Variants in RTTN observed in about 807,000 individuals in gnomAD.
RTTN encodes rotatin.
Under a neutral mutation model 269.2 loss-of-function variants are expected in RTTN, and 182 were observed. The ratio of observed to expected loss-of-function variants is 0.68; its 90% CI spans 0.60 to 0.76. The LOEUF (loss-of-function observed/expected upper bound fraction) is 0.76. RTTN is among the 30% of genes least tolerant of loss of function. The probability of loss-of-function intolerance (pLI) is 0.00; values close to 1 mark genes in which losing one functional copy is unlikely to be tolerated. For missense variants in RTTN, 2,545 were observed against 2,608.6 expected (o/e 0.98, Z 0.53); for synonymous variants, 1,006 against 963.5 (o/e 1.04, Z -0.82).
intron 38 of RTTN, among the ~76,000 whole-genome samples, chr18:70,052,224 A>C (rs2057690320): frequency 6.6e-6 from 1 of 151,986 alleles, no homozygotes; most frequent in Non-Finnish European, 1.5e-5. Context: ...ATCTAATTCC[A>C]CTATAATGTA....
At chr18:70,204,337 A>C in intron 2 of RTTN, 74 bp from the exon 3 acceptor site, 1 of 1,405,884 alleles carries the variant, frequency 7.1e-7, no homozygotes, top group Non-Finnish European at 9.7e-7. Flanking sequence ...CAAAACATAA[A>C]ATTATTTTTG....
intron 28 of RTTN, among the ~76,000 whole-genome samples, chr18:70,107,106 G>A (rs2059340002): frequency 6.6e-6 from 1 of 152,180 alleles, no homozygotes; most frequent in Admixed American, 6.5e-5. Context: ...GGGGCCAGAT[G>A]ACTATAACAA....
intron 40 of RTTN, 62 bp downstream of exon 40, chr18:70,047,909 G>T: frequency 1.5e-6 from 2 of 1,299,680 alleles, no homozygotes; most frequent in Non-Finnish European, 2.2e-6. Context: ...ACAAGACCAT[G>T]ACTGAAAGTC....
chr18:70,037,348 G>A (rs1014195280), intron 40 of RTTN, among the ~76,000 whole-genome samples: 5 of 152,166 alleles, frequency 3.3e-5, no homozygotes, highest in East Asian at 1.9e-4. Context: ...AGTGCGGCTC[G>A]CAGCAACAAA....
At chr18:70,123,164 T>C (rs1159723458) in intron 25 of RTTN, among the ~76,000 whole-genome samples, 1 of 152,196 alleles carries the variant, frequency 6.6e-6, no homozygotes, top group Non-Finnish European at 1.5e-5. Context: ...ATCAAATTTC[T>C]GTCACATAAC....
At position 70,193,430 on chromosome 18, in the gene RTTN, A is replaced by C. The variant is rs771446047; in HGVS notation, c.865T>G (p.Leu289Val). The C allele has an allele frequency of 6.5e-7, 1 of 1,535,920 alleles. No individual in the cohort carries two copies. Among genetic ancestry groups the C allele is most frequent in the Admixed American group, 2.3e-5 (1 of 43,702 alleles). ...KHDTVSQNSS[L>V]SYCHEARGTH... Reference sequence around the variant, plus strand: ...CCTCTTGCTTCATGACAATAAGACAAAGAAGAATTTTGGGAAACTGTGTCT... The same window carrying C: ...CCTCTTGCTTCATGACAATAAGACACAGAAGAATTTTGGGAAACTGTGTCT... The change falls in exon 8 of 49, where the codon TTG (leucine) becomes GTG (valine). Residue 289 changes from leucine to valine, a missense_variant. Physicochemically the swap from Leu to Val is conservative, Grantham distance 32. Coordinates refer to ENST00000640769, the MANE Select transcript of RTTN (RefSeq NM_173630.4).
intron 10 of RTTN, among the ~76,000 whole-genome samples, chr18:70,183,861 G>C (rs2061473292): frequency 6.6e-6 from 1 of 152,158 alleles, no homozygotes; most frequent in African/African-American, 2.4e-5. Flanking sequence ...TCAAACTTCT[G>C]GGTTCGAGTG....
intron 28 of RTTN, among the ~76,000 whole-genome samples, chr18:70,105,530 G>A (rs1053673335): frequency 5.9e-5 from 9 of 152,256 alleles, no homozygotes; most frequent in East Asian, 1.9e-4. Flanking sequence ...AGATGAACCC[G>A]GTACCTCAGC....
rs2058362859 is a variant in RTTN, at chr18:70,073,960, T to C, written c.4599A>G (p.Pro1533=). The C allele has an allele frequency of 2.5e-6, 4 of 1,612,000 alleles. No individual in the cohort carries two copies. The highest frequency in any genetic ancestry group is 2.5e-6 in the Non-Finnish European group (3 of 1,178,510). ...GATCTCGATCCTGACTTGTCCTAGA[T>C]GGAGCCCTCCAAAACTTGAATGAGT... The part of the protein sequence containing the change: ...LDDSFKFWRA[P]SRTSQDRDPS... The change falls in exon 34 of 49, where the codon CCA becomes CCG. Residue 1533 remains proline (P), a synonymous_variant. Coordinates refer to ENST00000640769, the MANE Select transcript of RTTN (RefSeq NM_173630.4).
chr18:70,185,280 A>G (rs12956127), intron 10 of RTTN, among the ~76,000 whole-genome samples: 129,542 of 152,200 alleles, frequency 0.85, 57,357 homozygotes, highest in East Asian at 1. Flanking sequence ...TTGTATTCCA[A>G]GTTAGGCAAA....
chr18:70,188,710 A>G (rs1376981090), intron 9 of RTTN, among the ~76,000 whole-genome samples: 1 of 152,210 alleles, frequency 6.6e-6, no homozygotes, highest in Admixed American at 6.5e-5. Flanking sequence ...ACATGCTAAC[A>G]TTTGCTAAAG....
At chr18:70,025,496 T>C (rs1178047907) in intron 43 of RTTN, among the ~76,000 whole-genome samples, 1 of 152,212 alleles carries the variant, frequency 6.6e-6, no homozygotes, top group East Asian at 1.9e-4. Context: ...CCCATGATTA[T>C]GCACGTGAGC....
At chr18:70,123,596 T>C (rs2059792162) in intron 25 of RTTN, among the ~76,000 whole-genome samples, 1 of 152,090 alleles carries the variant, frequency 6.6e-6, no homozygotes, top group African/African-American at 2.4e-5. Flanking sequence ...TTTGTTTCTC[T>C]GTGTGCCTGG....
At chr18:70,110,005 G>A (rs1170790215) in intron 27 of RTTN, among the ~76,000 whole-genome samples, 8 of 151,870 alleles carry the variant, frequency 5.3e-5, no homozygotes, top group South Asian at 2.1e-4. Flanking sequence ...GATTGCTTGC[G>A]GCCAGCTTGA....
At chr18:70,088,232 A>G in intron 30 of RTTN, 85 bp from the exon 31 acceptor site, 2 of 1,252,106 alleles carry the variant, frequency 1.6e-6, no homozygotes, top group Non-Finnish European at 2.2e-6. Flanking sequence ...CATAAATATC[A>G]CACTTTAAAA....
Position 70,077,256 on chromosome 18 carries a change from T to G in RTTN, c.4375-1715A>C, listed in dbSNP as rs377091064. On this transcript the variant is annotated intron_variant, in intron 32 of 48. Coordinates refer to ENST00000640769, the MANE Select transcript of RTTN (RefSeq NM_173630.4). ...TATAAAATTATGCAATTTTTCATAT[T>G]TTTGCAAAATTATGTCTACATGAAT... is the stretch of plus-strand genomic sequence containing the variant. Among the ~76,000 whole-genome samples, 9 of 152,108 alleles carry G rather than the reference T, an allele frequency of 5.9e-5. No individual in the cohort carries two copies. The South Asian group carries it at 1.0e-3, about 17-fold the overall frequency.
In RTTN at chr18:70,030,109, G is replaced by C; in HGVS notation, c.5648C>G (p.Ala1883Gly). The C allele has an allele frequency of 6.2e-7, 1 of 1,605,166 alleles. No homozygotes were observed. The highest frequency in any genetic ancestry group is 8.5e-7 in the Non-Finnish European group (1 of 1,174,134). ...SRRAQKHALK[A>G]NLIDNCMEQM... The stretch of plus-strand genomic sequence containing the variant: ...CTCCATGCAATTGTCTATAAGATTG[G>C]CTGAAAGACAAAATCTGCAGTAGTC... Residue 1883 changes from alanine (A) to glycine (G), a missense_variant and splice_region_variant, in exon 42 of 49, where the codon GCC becomes GGC. Physicochemically the swap from Ala to Gly is moderately conservative, Grantham distance 60. Transcript: ENST00000640769.
intron 40 of RTTN, among the ~76,000 whole-genome samples, chr18:70,032,064 A>C (rs2057029528): frequency 6.6e-6 from 1 of 152,228 alleles, no homozygotes; most frequent in Non-Finnish European, 1.5e-5. Flanking sequence ...CAGCTGGGGC[A>C]GAGCCCAGAG....
At chr18:70,166,873 TA>T (rs781040175) in intron 13 of RTTN, 45 bp downstream of exon 13, 24 of 1,258,030 alleles carry the variant, frequency 1.9e-5, no homozygotes, top group Admixed American at 1.1e-4. Context: ...ACACACACCC[TA>T]AGTGTCCAAT....
Sources: allele counts gnomAD v4.1 joint callset (sites outside exome capture counted in the v4.1 genomes callset), GRCh38; gene constraint gnomAD v4.1.1; transcripts MANE v1.5; gene names NCBI Gene and HGNC (gene_info 2026-07-23, HGNC 2026-07-21).